Variants in PCDH7 observed in about 807,000 individuals in gnomAD.
PCDH7 encodes the protein protocadherin-7.
A neutral mutation model predicts 58.9 loss-of-function variants in PCDH7; 17 were observed. That is an observed-to-expected ratio of 0.29 (90% CI 0.20 to 0.43). PCDH7 has a LOEUF of 0.43. Among genes scored for constraint, PCDH7 ranks in the 20% least tolerant of loss-of-function variants. The pLI is 1.00. For synonymous variants in PCDH7, 664 were observed against 616.4 expected (o/e 1.08, Z -1.14); for missense variants, 1,274 against 1,441.0 (o/e 0.88, Z 1.88).
chr4:30,933,755 T>A (rs572207746), intron 2 of PCDH7, among the ~76,000 whole-genome samples: 1 of 152,312 alleles, frequency 6.6e-6, no homozygotes, highest in South Asian at 2.1e-4. Flanking sequence ...CTCACAACTG[T>A]GTGCATAAGA....
intron 3 of PCDH7, among the ~76,000 whole-genome samples, chr4:31,115,321 G>A (rs1716860635): frequency 6.6e-6 from 1 of 151,904 alleles, no homozygotes; most frequent in South Asian, 2.1e-4. Flanking sequence ...TCAATCCTCT[G>A]ACTTTTTATT....
intron 3 of PCDH7, among the ~76,000 whole-genome samples, chr4:30,968,371 ACACAC>A (rs1338523252): frequency 1.3e-4 from 13 of 102,370 alleles, no homozygotes; most frequent in African/African-American, 2.6e-4. Flanking sequence ...ATATATATAC[ACACAC>A]TATATATATA....
At chr4:30,752,217 T>G (rs919479540) in intron 1 of PCDH7, among the ~76,000 whole-genome samples, 1 of 152,254 alleles carries the variant, frequency 6.6e-6, no homozygotes, top group South Asian at 2.1e-4. Context: ...CACTGCAACT[T>G]CCGCCTGCGG....
intron 2 of PCDH7, among the ~76,000 whole-genome samples, chr4:30,924,879 C>T (rs1252183758): frequency 6.6e-6 from 1 of 150,700 alleles, no homozygotes; most frequent in Non-Finnish European, 1.5e-5. Context: ...AAATATCACA[C>T]CATAAAAATA....
intron 1 of PCDH7, among the ~76,000 whole-genome samples, chr4:30,805,330 G>A (rs898690594): frequency 3.3e-5 from 5 of 152,090 alleles, no homozygotes; most frequent in African/African-American, 1.2e-4. Flanking sequence ...GATTCTCTTT[G>A]GCTCTTGTAA....
chr4:30,840,422 A>AT (rs934883296), intron 1 of PCDH7, among the ~76,000 whole-genome samples: 2 of 151,864 alleles, frequency 1.3e-5, no homozygotes, highest in Non-Finnish European at 1.5e-5. Context: ...GGTTTGTGGG[A>AT]TTTTTCCCCT....
intron 1 of PCDH7, among the ~76,000 whole-genome samples, chr4:30,779,320 C>T (rs1052474815): frequency 1.3e-5 from 2 of 152,036 alleles, no homozygotes; most frequent in African/African-American, 4.8e-5. Context: ...CCACTAGGCC[C>T]AGCCCCTGGT....
intron 3 of PCDH7, among the ~76,000 whole-genome samples, chr4:31,068,723 T>C (rs766743596): frequency 6.6e-6 from 1 of 151,956 alleles, no homozygotes; most frequent in Non-Finnish European, 1.5e-5. Flanking sequence ...ATCCTTGAGA[T>C]TGAGTTATAA....
At chr4:30,849,838 CTG>C (rs1732481693) in intron 1 of PCDH7, among the ~76,000 whole-genome samples, 1 of 152,100 alleles carries the variant, frequency 6.6e-6, no homozygotes, top group Admixed American at 6.6e-5. Flanking sequence ...CTCCCATTCT[CTG>C]TGAGTAGAGA....
intron 3 of PCDH7, among the ~76,000 whole-genome samples, chr4:31,042,635 T>C (rs1003797900): frequency 6.6e-6 from 1 of 152,098 alleles, no homozygotes; most frequent in Non-Finnish European, 1.5e-5. Flanking sequence ...CTCAAAAATT[T>C]TACTCTTTAG....
At chr4:31,096,115 G>C (rs1406662245) in intron 3 of PCDH7, among the ~76,000 whole-genome samples, 1 of 152,068 alleles carries the variant, frequency 6.6e-6, no homozygotes, top group African/African-American at 2.4e-5. Flanking sequence ...TGCAACACAG[G>C]CATATCATAT....
At chr4:30,979,001 C>A (rs956290149) in intron 3 of PCDH7, among the ~76,000 whole-genome samples, 1 of 151,870 alleles carries the variant, frequency 6.6e-6, no homozygotes, top group African/African-American at 2.4e-5. Flanking sequence ...ATTTAGAACT[C>A]TTCAAGTTAA....
intron 3 of PCDH7, among the ~76,000 whole-genome samples, chr4:31,042,283 A>C (rs947312953): frequency 2.0e-5 from 3 of 152,212 alleles, no homozygotes; most frequent in African/African-American, 7.2e-5. Context: ...TCATCAAATT[A>C]GAGTAACAGC....
At chr4:30,898,878 A>C (rs991911910) in intron 1 of PCDH7, among the ~76,000 whole-genome samples, 4 of 151,886 alleles carry the variant, frequency 2.6e-5, no homozygotes, top group African/African-American at 4.8e-5. Context: ...GGCGTGAGCC[A>C]CGGCGCCTGG....
rs940966323 is a variant in PCDH7 at position 31,021,765 on chromosome 4, G to T, written c.*7+71550G>T. On this transcript the variant is annotated intron_variant, in intron 3 of 3. Coordinates refer to the PCDH7 transcript ENST00000509759. ...GAGACACGAGTGTCTCTAATTTCAA[G>T]GAAGGTGAGTAAATATGGTCTAATC... Among the ~76,000 whole-genome samples the T allele has an allele frequency of 1.4e-4, 21 of 152,098 alleles. 1 individual carries two copies. The highest frequency in any genetic ancestry group is 2.6e-4 in the Admixed American group (4 of 15,266).
At chr4:30,902,309 C>T (rs1314301074) in intron 1 of PCDH7, among the ~76,000 whole-genome samples, 2 of 151,920 alleles carry the variant, frequency 1.3e-5, no homozygotes, top group East Asian at 1.9e-4. Context: ...TTTACTTCAG[C>T]GTTCTTTGTC....
intron 3 of PCDH7, among the ~76,000 whole-genome samples, chr4:30,972,549 G>A (rs954680090): frequency 6.6e-6 from 1 of 152,146 alleles, no homozygotes; most frequent in Non-Finnish European, 1.5e-5. Flanking sequence ...GTCTTCCAGT[G>A]AGCATAAGCC....
At chr4:30,869,777 A>G (rs1735321913) in intron 1 of PCDH7, among the ~76,000 whole-genome samples, 1 of 152,182 alleles carries the variant, frequency 6.6e-6, no homozygotes, top group Non-Finnish European at 1.5e-5. Context: ...AGAATGATTT[A>G]TAATCCTTTG....
chr4:31,100,064 C>A (rs1462765793), intron 3 of PCDH7, among the ~76,000 whole-genome samples: 1 of 151,992 alleles, frequency 6.6e-6, no homozygotes, highest in African/African-American at 2.4e-5. Context: ...TTTCACTTTG[C>A]CATGGATGTG....
Sources: allele counts gnomAD v4.1 joint callset (sites outside exome capture counted in the v4.1 genomes callset), GRCh38; gene constraint gnomAD v4.1.1; transcripts MANE v1.5; gene names NCBI Gene and HGNC (gene_info 2026-07-23, HGNC 2026-07-21).